The following TATDN2 variants were observed in gnomAD, a reference collection of about 807,000 sequenced individuals.
TATDN2 encodes 3'-5' RNA nuclease TATDN2.
TATDN2 carries 44 observed loss-of-function variants against 60.3 expected under a neutral mutation model. That is an observed-to-expected ratio of 0.73 (90% CI 0.57 to 0.94). The LOEUF is 0.94. Ranked by LOEUF, TATDN2 falls within the 40% of genes least tolerant of loss-of-function variation. TATDN2 has a pLI of 0.00. For synonymous variants in TATDN2, 399 were observed against 355.8 expected, an observed-to-expected ratio of 1.12 and a Z score of -1.37; for missense variants, 997 against 948.0, an observed-to-expected ratio of 1.05 and a Z score of -0.68.
Position 10,278,369 on chromosome 3 carries a change from C to A in TATDN2, c.2052C>A (p.Tyr684Ter). Residue 684 changes from tyrosine to a stop codon, truncating the protein, a stop_gained, in exon 6 of 8, where the codon TAC becomes TAA. Transcript: ENST00000448281. LOFTEE classifies it high-confidence loss of function. This position sits in a 1 kb window ranked among gnomAD's most constrained non-coding sequence, Gnocchi z 4.7. ...TGGGCTTCACGGCAGTGCTGACATA[C>A]TCCTCTGCCTGGGAGGCCCGGGAAG... ...MSVGFTAVLT[Y>*]SSAWEAREAL... The A allele has an allele frequency of 6.2e-7, 1 of 1,614,206 alleles. No individual in the cohort carries two copies. The highest frequency in any genetic ancestry group is 8.5e-7 in the Non-Finnish European group (1 of 1,180,034).
intron 2 of TATDN2, among the ~76,000 whole-genome samples, chr3:10,251,624 G>T (rs897007431): frequency 6.6e-6 from 1 of 151,950 alleles, no homozygotes; most frequent in Non-Finnish European, 1.5e-5. Flanking sequence ...GACTGCAAGT[G>T]ATCTGACCGC....
chr3:10,274,959 A>G (rs1379605985), intron 4 of TATDN2, among the ~76,000 whole-genome samples: 1 of 152,076 alleles, frequency 6.6e-6, no homozygotes, highest in African/African-American at 2.4e-5. Flanking sequence ...TGGAAACATT[A>G]ATATGAGGTA....
At chr3:10,272,337 G>A (rs184690568) in intron 4 of TATDN2, among the ~76,000 whole-genome samples, 17 of 151,976 alleles carry the variant, frequency 1.1e-4, no homozygotes, top group African/African-American at 4.1e-4. Context: ...GCAGCGGTAC[G>A]ATCTCAGCTC....
intron 3 of TATDN2, among the ~76,000 whole-genome samples, chr3:10,266,171 G>T (rs781138152): frequency 4.6e-5 from 7 of 152,010 alleles, no homozygotes; most frequent in Non-Finnish European, 8.8e-5. Context: ...TGTAACTTTA[G>T]AAGGGTTTTT....
In TATDN2 at chr3:10,281,181, T is replaced by A. The variant is rs1698735501; in HGVS notation, c.*1999T>A. Reference sequence around the variant, plus strand: ...CTGTATTTTTTCCCCTCTTTGGCCATCTTTTTCTGAAAATAAAGTGATGGA... The same window carrying A: ...CTGTATTTTTTCCCCTCTTTGGCCAACTTTTTCTGAAAATAAAGTGATGGA... On this transcript the variant is annotated 3_prime_UTR_variant, in exon 8 of 8. Transcript: ENST00000448281. 1.3e-5 allele frequency: 2 copies of A among 152,206 alleles called. No homozygotes were observed. Among genetic ancestry groups the A allele is most frequent in the South Asian group, 4.1e-4 (2 of 4,832 alleles). The allele number at this position is 152,206 out of a possible 1,614,324, so 9.4% of individuals were successfully genotyped here. A position where few individuals can be genotyped will look rare whatever the true frequency, so the allele number is the denominator to read the frequency against.
In TATDN2 at chr3:10,270,542, T is replaced by C; in HGVS notation, c.1360T>C (p.Ser454Pro). 6.2e-7 allele frequency: 1 copy of C among 1,614,138 alleles called. No individual in the cohort carries two copies. Among genetic ancestry groups the C allele is most frequent in the Non-Finnish European group, 8.5e-7 (1 of 1,180,034 alleles). The change falls in exon 4 of 8, where the codon TCA becomes CCA. Residue 454 changes from serine to proline, a missense_variant. By Grantham distance (74) the Ser-to-Pro change is moderately conservative (BLOSUM62 -1). Transcript: ENST00000448281. The stretch of plus-strand genomic sequence containing the variant: ...TCGTTCATTTCGCTTCTCCAGAAGC[T>C]CAGAAGAAAGAGAGGTGAAGGAGAA... ...NSRSFRFSRS[S>P]EEREVKEKRT...
Position 10,255,320 on chromosome 3 carries a change from G to A in TATDN2, c.415-4817G>A, listed in dbSNP as rs191976751. ...GGAGCCACCATGCCCAGCCAACAGT[G>A]TTTCTCACTTTCATATTTCATTACT... On this transcript the variant is annotated intron_variant, in intron 2 of 7. Coordinates refer to ENST00000448281, the MANE Select transcript of TATDN2 (RefSeq NM_014760.4). Among the ~76,000 whole-genome samples, 526 of 151,972 alleles carry A rather than the reference G, an allele frequency of 3.5e-3. 3 individuals carry two copies. Among genetic ancestry groups the A allele is most frequent in the African/African-American group, 0.012 (502 of 41,420 alleles).
intron 4 of TATDN2, among the ~76,000 whole-genome samples, chr3:10,273,357 C>G (rs549224830): frequency 1.3e-5 from 2 of 152,196 alleles, no homozygotes; most frequent in Non-Finnish European, 2.9e-5. Flanking sequence ...TGACTGGCAA[C>G]TGCACCTAGT....
At chr3:10,271,364 A>C (rs1239109844) in intron 4 of TATDN2, among the ~76,000 whole-genome samples, 1 of 152,180 alleles carries the variant, frequency 6.6e-6, no homozygotes, top group Non-Finnish European at 1.5e-5. Context: ...CAGGCTTTGG[A>C]GTGCAGTGGT....
intron 2 of TATDN2, among the ~76,000 whole-genome samples, chr3:10,259,482 G>T (rs1698367891): frequency 6.6e-6 from 1 of 152,238 alleles, no homozygotes; most frequent in South Asian, 2.1e-4. Flanking sequence ...TTTCTGTGTG[G>T]AGTCCTGGAG....
rs530098157 is a variant in TATDN2 at position 10,270,634 on chromosome 3, G to T, written c.1452G>T (p.Lys484Asn). Residue 484 changes from lysine (K) to asparagine (N), a missense_variant, in exon 4 of 8, where the codon AAG (lysine) becomes AAT (asparagine). Lys to Asn is a moderately conservative substitution (Grantham distance 94). Coordinates refer to ENST00000448281, the MANE Select transcript of TATDN2 (RefSeq NM_014760.4). ...CGGHASSSLPKSHLEPSLEEG... is the reference protein window; with the variant it reads ...CGGHASSSLPNSHLEPSLEEG... ...GACACGCATCCAGCTCCCTGCCAAAGAGCCACCTGGAGCCAAGCCTAGAGG... is the reference window on the plus strand; with the variant it reads ...GACACGCATCCAGCTCCCTGCCAAATAGCCACCTGGAGCCAAGCCTAGAGG... 2.5e-6 allele frequency: 4 copies of T among 1,614,220 alleles called. No homozygotes were observed. In the East Asian group the frequency reaches 6.7e-5, roughly 27 times the overall value.
In TATDN2 at chr3:10,280,153, T is replaced by C. The variant is rs113457217; in HGVS notation, c.*971T>C. 2.5e-3 allele frequency: 392 copies of C among 153,928 alleles called. 1 individual carries two copies. Among genetic ancestry groups the C allele is most frequent in the Non-Finnish European group, 4.2e-3 (289 of 68,084 alleles). The allele number at this position is 153,928 out of a possible 1,614,324, so 9.5% of individuals were successfully genotyped here. ...GCCCAGGTTGAGAGGTGAATCAGCG[T>C]AATTCTCCGAAGCTCTGCTGGGCAG... is the stretch of plus-strand genomic sequence containing the variant. On this transcript the variant is annotated 3_prime_UTR_variant, in exon 8 of 8. Transcript: ENST00000448281.
rs148397038 is a variant in TATDN2 at position 10,278,333 on chromosome 3, C to T, written c.2016C>T (p.Pro672=). The T allele has an allele frequency of 2.2e-4, 361 of 1,614,056 alleles. No individual in the cohort carries two copies. The highest frequency in any genetic ancestry group is 2.4e-4 in the Non-Finnish European group (280 of 1,180,046). Residue 672 remains proline (P), a synonymous_variant, in exon 6 of 8, where the codon CCC becomes CCT. Coordinates refer to ENST00000448281, the MANE Select transcript of TATDN2 (RefSeq NM_014760.4). This position sits in a 1 kb window ranked among gnomAD's most constrained non-coding sequence, Gnocchi z 4.7. ...PVIEPLLKYF[P]NMSVGFTAVL... Reference sequence around the variant, plus strand: ...TTGAGCCCCTGCTGAAGTACTTTCCCAACATGTCTGTGGGCTTCACGGCAG... The same window carrying T: ...TTGAGCCCCTGCTGAAGTACTTTCCTAACATGTCTGTGGGCTTCACGGCAG...
At chr3:10,272,014 G>A (rs1698573830) in intron 4 of TATDN2, among the ~76,000 whole-genome samples, 1 of 152,208 alleles carries the variant, frequency 6.6e-6, no homozygotes, top group South Asian at 2.1e-4. Context: ...ACAGACCTGA[G>A]CCACTGCGCC....
intron 4 of TATDN2, among the ~76,000 whole-genome samples, chr3:10,271,809 G>A (rs1642976): frequency 7.6e-5 from 8 of 104,874 alleles, no homozygotes; most frequent in African/African-American, 1.4e-4. Flanking sequence ...CTCCGCCTCC[G>A]CCTCCGCCTC....
intron 2 of TATDN2, among the ~76,000 whole-genome samples, 197 bp downstream of exon 2, chr3:10,249,811 G>C (rs1181329570): frequency 1.3e-5 from 2 of 152,158 alleles, no homozygotes; most frequent in Non-Finnish European, 2.9e-5. Flanking sequence ...TAAGTAGAGA[G>C]GTAATTTTCA....
chr3:10,260,556 C>T lies in TATDN2; in HGVS notation c.834C>T (p.Asp278=). 2 of 1,614,140 alleles carry T rather than the reference C, an allele frequency of 1.2e-6. No homozygotes were observed. The highest frequency in any genetic ancestry group is 1.7e-5 in the Admixed American group (1 of 60,022). The stretch of plus-strand genomic sequence containing the variant: ...TCTATGACAGGAGAGTAGTTATAGA[C>T]CCTCAAGAGAAACCCAGTGAGGAGC... ...SSFYDRRVVI[D]PQEKPSEEPL... is the part of the protein sequence containing the mutation. The change falls in exon 3 of 8, where the codon GAC becomes GAT. Residue 278 remains aspartate, a synonymous_variant. Coordinates refer to ENST00000448281, the MANE Select transcript of TATDN2 (RefSeq NM_014760.4).
chr3:10,264,659 G>C (rs1698451950), intron 3 of TATDN2, among the ~76,000 whole-genome samples: 1 of 151,022 alleles, frequency 6.6e-6, no homozygotes, highest in Non-Finnish European at 1.5e-5. Flanking sequence ...AAATTTTTCT[G>C]GATGGTTTCT....
rs1399984547 is a variant in TATDN2, at chr3:10,270,323, G to C, written c.1141G>C (p.Asp381His). ...TCATTTGTACAGTAGTCCTTGGTGT[G>C]ACTACGCCAGCTATTGGACCAGCAG... ...PPHLYSSPWCDYASYWTSSPK... is the reference protein window; with the variant it reads ...PPHLYSSPWCHYASYWTSSPK... The change falls in exon 4 of 8, where the codon GAC becomes CAC. Residue 381 changes from aspartate to histidine, a missense_variant. By Grantham distance (81) the Asp-to-His change is moderately conservative (BLOSUM62 -1). Transcript: ENST00000448281. The C allele has an allele frequency of 6.2e-7, 1 of 1,614,048 alleles. No individual in the cohort carries two copies. The highest frequency in any genetic ancestry group is 8.5e-7 in the Non-Finnish European group (1 of 1,180,050).
Sources: allele counts gnomAD v4.1 joint callset (sites outside exome capture counted in the v4.1 genomes callset), GRCh38; gene constraint gnomAD v4.1.1; non-coding constraint Gnocchi (gnomAD v3.1); transcripts MANE v1.5; gene names NCBI Gene and HGNC (gene_info 2026-07-23, HGNC 2026-07-21).